Variants in N4BP2 observed in about 807,000 individuals in gnomAD.
The protein encoded by N4BP2 is NEDD4 binding protein 2, also known as NEDD4-binding protein 2.
A neutral mutation model predicts 152.8 loss-of-function variants in N4BP2; 91 were observed. The observed-to-expected ratio is 0.60, with a 90% CI of 0.50 to 0.71. The LOEUF (loss-of-function observed/expected upper bound fraction) is 0.71. Among genes scored for constraint, N4BP2 ranks in the 30% least tolerant of loss-of-function variants. The pLI is 0.00. For synonymous variants in N4BP2, 646 were observed against 705.3 expected, an observed-to-expected ratio of 0.92 and a Z score of 1.33; for missense variants, 1,923 against 2,059.1, an observed-to-expected ratio of 0.93 and a Z score of 1.28.
At position 40,120,665 on chromosome 4, in the gene N4BP2, A is replaced by G. The variant is rs746617881; in HGVS notation, c.2554A>G (p.Arg852Gly). 3.1e-6 allele frequency: 5 copies of G among 1,614,060 alleles called. No individual in the cohort carries two copies. The highest frequency in any genetic ancestry group is 4.2e-6 in the Non-Finnish European group (5 of 1,180,028). The change falls in exon 9 of 18, where the codon AGA becomes GGA. Residue 852 changes from arginine to glycine, a missense_variant. Arg to Gly is a moderately radical substitution (Grantham distance 125, BLOSUM62 -2). Transcript: ENST00000261435. ...GSPHESVEDGRKSQCDDASEP... is the reference protein window; with the variant it reads ...GSPHESVEDGGKSQCDDASEP... ...TCCACATGAAAGTGTAGAGGATGGCAGAAAGTCACAGTGTGATGATGCTTC... is the reference window on the plus strand; with the variant it reads ...TCCACATGAAAGTGTAGAGGATGGCGGAAAGTCACAGTGTGATGATGCTTC...
intron 13 of N4BP2, among the ~76,000 whole-genome samples, chr4:40,134,931 T>TTTTTATTTTA (rs55709780): frequency 0.029 from 3,469 of 120,018 alleles, 55 homozygotes; most frequent in Middle Eastern, 0.047. Context: ...CTTTCTTTCT[T>TTTTTATTTTA]TTTTATTTTA....
In N4BP2 at chr4:40,156,659, A is replaced by C. The variant is rs1721621635; in HGVS notation, c.*2422A>C. On this transcript the variant is annotated 3_prime_UTR_variant, in exon 18 of 18. Coordinates refer to ENST00000261435, the MANE Select transcript of N4BP2 (RefSeq NM_018177.6). Reference sequence around the variant, plus strand: ...AAGTTTTCTCTATTACCCATTTCTAAATCCTGTATGTCAAAGATAGTTTGG... The same window carrying C: ...AAGTTTTCTCTATTACCCATTTCTACATCCTGTATGTCAAAGATAGTTTGG... 6.6e-6 allele frequency: 1 copy of C among 152,098 alleles called. No homozygotes were observed. The allele number at this position is 152,098 out of a possible 1,614,324, so 9.4% of individuals were successfully genotyped here. A position where few individuals can be genotyped will look rare whatever the true frequency, so the allele number is the denominator to read the frequency against.
At chr4:40,084,643 T>C (rs1404655460) in intron 2 of N4BP2, among the ~76,000 whole-genome samples, 1 of 147,708 alleles carries the variant, frequency 6.8e-6, no homozygotes, top group Non-Finnish European at 1.5e-5. Flanking sequence ...TTTTTTTTTT[T>C]TTTTTGAGGC....
At chr4:40,141,307 G>A (rs868077081) in intron 14 of N4BP2, among the ~76,000 whole-genome samples, 10 of 151,392 alleles carry the variant, frequency 6.6e-5, no homozygotes, top group Admixed American at 6.6e-5. Flanking sequence ...GCTGCCGGGC[G>A]GTGACGCTCC....
chr4:40,057,289 G>GGGGGCC (rs1733263123), intron 1 of N4BP2: 1 of 152,450 alleles, frequency 6.6e-6, no homozygotes, highest in Non-Finnish European at 1.5e-5. Context: ...GGGCGAAGGC[G>GGGGGCC]GGGGCCGCGG....
intron 2 of N4BP2, among the ~76,000 whole-genome samples, chr4:40,093,628 C>CT (rs1392449713): frequency 3.3e-5 from 5 of 150,250 alleles, no homozygotes; most frequent in Non-Finnish European, 1.5e-5. Flanking sequence ...TATTTATTTA[C>CT]TTTTGGAGAC....
Position 40,119,914 on chromosome 4 carries a change from T to C in N4BP2, c.1821-18T>C. The C allele has an allele frequency of 8.1e-7, 1 of 1,228,760 alleles. No individual in the cohort carries two copies. Among genetic ancestry groups the C allele is most frequent in the Non-Finnish European group, 1.1e-6 (1 of 879,916 alleles). The allele number at this position is 1,228,760 out of a possible 1,614,324, so 76.1% of individuals were successfully genotyped here. On this transcript the variant is annotated intron_variant, in intron 8 of 17. Coordinates refer to ENST00000261435, the MANE Select transcript of N4BP2 (RefSeq NM_018177.6). ...ATTAAGAGACTTTCTCATGATACTC[T>C]TTAAAATAATCTTACAGCCCAAGAG...
At chr4:40,170,860 C>T in the N4BP2 span, among the ~76,000 whole-genome samples, 3 of 152,088 alleles carry the variant, frequency 2.0e-5, no homozygotes, top group African/African-American at 7.2e-5. Flanking sequence ...TTCACATATC[C>T]TCATTTTGCT....
the N4BP2 span, among the ~76,000 whole-genome samples, chr4:40,171,163 C>T: frequency 6.6e-6 from 1 of 152,170 alleles, no homozygotes; most frequent in Non-Finnish European, 1.5e-5. Flanking sequence ...ACTGGGCTTC[C>T]ACTTTTCTCA....
At chr4:40,138,441 G>A (rs1719603593) in intron 14 of N4BP2, among the ~76,000 whole-genome samples, 1 of 152,170 alleles carries the variant, frequency 6.6e-6, no homozygotes, top group African/African-American at 2.4e-5. Flanking sequence ...ATGTAGTCTA[G>A]TTTGTCTACT....
At position 40,116,754 on chromosome 4, in the gene N4BP2, G is replaced by A. The variant is rs1318949544; in HGVS notation, c.1665-1115G>A. Among the ~76,000 whole-genome samples, 5 of 151,968 alleles carry A rather than the reference G, an allele frequency of 3.3e-5. No homozygotes were observed. The Middle Eastern group carries it at 9.5e-3, about 289-fold the overall frequency. On this transcript the variant is annotated intron_variant, in intron 7 of 17. Transcript: ENST00000261435. ...TTCATCTTTGAGAATTTTCTTTATA[G>A]TAAGGGTCTGCTTGGTGTCAAATTC...
chr4:40,133,249 CTA>C (rs1234895528), intron 13 of N4BP2, among the ~76,000 whole-genome samples: 5 of 152,162 alleles, frequency 3.3e-5, no homozygotes, highest in African/African-American at 1.2e-4. Context: ...GAATTTTTCT[CTA>C]TATGTTTTGA....
chr4:40,130,193 A>G (rs1343063626), intron 12 of N4BP2, among the ~76,000 whole-genome samples: 2 of 151,362 alleles, frequency 1.3e-5, no homozygotes, highest in Non-Finnish European at 2.9e-5. Context: ...ACCTGGCCAA[A>G]AATAAAATAT....
At chr4:40,141,294 G>T (rs1197969802) in intron 14 of N4BP2, among the ~76,000 whole-genome samples, 1 of 151,762 alleles carries the variant, frequency 6.6e-6, no homozygotes, top group Admixed American at 6.6e-5. Context: ...CCTGGACGGG[G>T]TGGCTGCCGG....
chr4:40,131,574 G>A (rs1483470401), intron 12 of N4BP2, among the ~76,000 whole-genome samples: 2 of 152,090 alleles, frequency 1.3e-5, no homozygotes, highest in Admixed American at 1.3e-4. Context: ...GTGATTGTGT[G>A]TGTGTGTGTA....
At chr4:40,117,765 G>A (rs1314803385) in intron 7 of N4BP2, 104 bp from the exon 8 acceptor site, 2 of 889,042 alleles carry the variant, frequency 2.2e-6, no homozygotes, top group South Asian at 2.5e-5. Context: ...TTTGATATTC[G>A]TATCTATTAG....
intron 13 of N4BP2, among the ~76,000 whole-genome samples, chr4:40,134,871 CTCTT>C (rs923650911): frequency 6.6e-6 from 1 of 151,068 alleles, no homozygotes; most frequent in East Asian, 1.9e-4. Context: ...CTTTCTTTCT[CTCTT>C]TCTTCCTTCC....
At chr4:40,057,580 G>A (rs916319712) in intron 1 of N4BP2, among the ~76,000 whole-genome samples, 1 of 152,040 alleles carries the variant, frequency 6.6e-6, no homozygotes, top group African/African-American at 2.4e-5. Context: ...CCCCTCCCCG[G>A]CATTTGTGTG....
chr4:40,120,401 A>G lies in N4BP2; in HGVS notation c.2290A>G (p.Lys764Glu). The G allele has an allele frequency of 6.2e-7, 1 of 1,613,914 alleles. No individual in the cohort carries two copies. The highest frequency in any genetic ancestry group is 8.5e-7 in the Non-Finnish European group (1 of 1,180,014). Residue 764 changes from lysine to glutamate, a missense_variant, in exon 9 of 18, where the codon AAA (lysine) becomes GAA (glutamate). By Grantham distance (56) the Lys-to-Glu change is moderately conservative. Coordinates refer to ENST00000261435, the MANE Select transcript of N4BP2 (RefSeq NM_018177.6). ...EIVEERATVTKKAFGKQKSKS... is the reference protein window; with the variant it reads ...EIVEERATVTEKAFGKQKSKS... ...AGTGGAAGAAAGAGCAACAGTAACG[A>G]AAAAAGCCTTTGGGAAACAAAAAAG... is the stretch of plus-strand genomic sequence containing the variant.
Sources: gnomAD v4.1 joint callset for allele counts (sites outside exome capture counted in the v4.1 genomes callset) on GRCh38, gnomAD v4.1.1 for gene constraint, MANE v1.5 for transcripts, NCBI Gene and HGNC (gene_info 2026-07-23, HGNC 2026-07-21) for gene names.